The following SUMF1 variants were observed in gnomAD, a reference collection of about 807,000 sequenced individuals.
The protein encoded by SUMF1 is sulfatase modifying factor 1.
SUMF1 carries 48 observed loss-of-function variants against 47.6 expected under a neutral mutation model. The observed-to-expected ratio is 1.01, with a 90% CI of 0.80 to 1.28. The LOEUF is 1.28. SUMF1 is among the 50% of genes most tolerant of loss of function. SUMF1 has a pLI of 0.00. For synonymous variants in SUMF1, 230 were observed against 192.1 expected, an observed-to-expected ratio of 1.20 and a Z score of -1.63; for missense variants, 571 against 485.4, an observed-to-expected ratio of 1.18 and a Z score of -1.66.
At chr3:4,330,515 C>T (rs747820886) in intron 8 of SUMF1, among the ~76,000 whole-genome samples, 3 of 152,144 alleles carry the variant, frequency 2.0e-5, no homozygotes, top group South Asian at 2.1e-4. Flanking sequence ...TCAGATCTCA[C>T]GAGACTTATT....
At chr3:4,070,264 C>A (rs145543396) in intron 8 of SUMF1, among the ~76,000 whole-genome samples, 1 of 152,292 alleles carries the variant, frequency 6.6e-6, no homozygotes, top group Middle Eastern at 3.4e-3. Context: ...TGTACCCCAA[C>A]CACCTTGGGT....
intron 8 of SUMF1, among the ~76,000 whole-genome samples, chr3:4,240,243 G>C (rs1337913106): frequency 6.6e-6 from 1 of 151,870 alleles, no homozygotes; most frequent in East Asian, 1.9e-4. Context: ...TTTTTGTTGT[G>C]TCTCTGCCAG....
chr3:4,413,588 A>T (rs551132873), intron 6 of SUMF1, among the ~76,000 whole-genome samples: 23 of 152,218 alleles, frequency 1.5e-4, no homozygotes, highest in Admixed American at 6.5e-4. Context: ...AAAAGCAAAC[A>T]AATGTATATG....
At chr3:4,267,454 G>A (rs1288954834) in intron 8 of SUMF1, among the ~76,000 whole-genome samples, 10 of 152,250 alleles carry the variant, frequency 6.6e-5, no homozygotes, top group Middle Eastern at 3.4e-3. Flanking sequence ...TTAGTCTTGG[G>A]AGAGTGTATG....
intron 8 of SUMF1, among the ~76,000 whole-genome samples, chr3:4,342,057 C>G (rs1224647925): frequency 1.3e-5 from 2 of 152,120 alleles, no homozygotes; most frequent in African/African-American, 4.8e-5. Context: ...TTGAAAAACC[C>G]ACAGGTTCCA....
At position 4,449,356 on chromosome 3, in the gene SUMF1, G is replaced by A. The variant is rs373525151; in HGVS notation, c.445-16C>T. 1.0e-4 allele frequency: 162 copies of A among 1,613,906 alleles called. No homozygotes were observed. The highest frequency in any genetic ancestry group is 7.6e-4 in the South Asian group (69 of 91,080). Reference sequence around the variant, plus strand: ...ACTTCTCAGCCTATAAGGAAGGTAGGAAATAAAAATCCAGAAAAGGTTGTA... The same window carrying A: ...ACTTCTCAGCCTATAAGGAAGGTAGAAAATAAAAATCCAGAAAAGGTTGTA... On this transcript the variant is annotated splice_polypyrimidine_tract_variant and intron_variant, in intron 2 of 8. Transcript: ENST00000272902.
intron 8 of SUMF1, among the ~76,000 whole-genome samples, chr3:4,156,372 C>A (rs1459370345): frequency 6.6e-6 from 1 of 151,492 alleles, no homozygotes; most frequent in African/African-American, 2.4e-5. Flanking sequence ...CTAATTAGTA[C>A]CTAATCTAAC....
At chr3:4,116,507 T>C (rs1693427350) in intron 8 of SUMF1, among the ~76,000 whole-genome samples, 1 of 152,132 alleles carries the variant, frequency 6.6e-6, no homozygotes, top group Admixed American at 6.6e-5. Flanking sequence ...CCCAGTTTGA[T>C]CTATTAAATT....
intron 8 of SUMF1, among the ~76,000 whole-genome samples, chr3:4,347,839 G>A (rs1424170659): frequency 6.6e-6 from 1 of 152,172 alleles, no homozygotes; most frequent in Non-Finnish European, 1.5e-5. Flanking sequence ...CAAAGTCTCA[G>A]GGTACAAAAG....
At chr3:4,451,972 C>T (rs1307988504) in intron 2 of SUMF1, among the ~76,000 whole-genome samples, 3 of 152,138 alleles carry the variant, frequency 2.0e-5, no homozygotes, top group Non-Finnish European at 2.9e-5. Flanking sequence ...CGTGAGCCAC[C>T]GCGCCTGGCC....
intron 8 of SUMF1, among the ~76,000 whole-genome samples, chr3:4,244,680 C>T (rs191237196): frequency 6.6e-6 from 1 of 152,278 alleles, no homozygotes; most frequent in African/African-American, 2.4e-5. Flanking sequence ...TCTCTGGCTG[C>T]CCTTAACATT....
chr3:4,192,589 A>C (rs1279506724), intron 8 of SUMF1, among the ~76,000 whole-genome samples: 1 of 152,092 alleles, frequency 6.6e-6, no homozygotes, highest in Non-Finnish European at 1.5e-5. Context: ...GTTCCTAGGA[A>C]CTTCTAAATC....
chr3:4,280,396 T>C (rs774827336), intron 8 of SUMF1, among the ~76,000 whole-genome samples: 1 of 152,074 alleles, frequency 6.6e-6, no homozygotes, highest in Non-Finnish European at 1.5e-5. Context: ...AGATGAAAAG[T>C]GCAATGGCTC....
At chr3:4,152,463 T>G (rs1216591968) in intron 8 of SUMF1, among the ~76,000 whole-genome samples, 1 of 150,518 alleles carries the variant, frequency 6.6e-6, no homozygotes, top group African/African-American at 2.5e-5. Flanking sequence ...TTGCTTTTTT[T>G]TTTTCTTTTT....
At chr3:4,077,466 C>G (rs756193334) in intron 8 of SUMF1, among the ~76,000 whole-genome samples, 4 of 152,112 alleles carry the variant, frequency 2.6e-5, no homozygotes, top group Non-Finnish European at 5.9e-5. Context: ...CCATGGAATA[C>G]TATGCAGCCA....
chr3:4,127,478 G>T (rs935006448), intron 8 of SUMF1, among the ~76,000 whole-genome samples: 11 of 152,056 alleles, frequency 7.2e-5, no homozygotes, highest in Admixed American at 6.6e-4. Flanking sequence ...AATATAAGCA[G>T]GCAGAAAAAT....
chr3:4,253,606 G>T (rs535674725), intron 8 of SUMF1, among the ~76,000 whole-genome samples: 1 of 151,894 alleles, frequency 6.6e-6, no homozygotes, highest in African/African-American at 2.4e-5. Context: ...GGCTCAGAGG[G>T]TCCTACGCCC....
intron 8 of SUMF1, among the ~76,000 whole-genome samples, chr3:4,344,587 A>G (rs1293576852): frequency 6.6e-6 from 1 of 152,146 alleles, no homozygotes; most frequent in Non-Finnish European, 1.5e-5. Context: ...AATCAATGAA[A>G]AATGCTGAAA....
intron 8 of SUMF1, among the ~76,000 whole-genome samples, chr3:4,155,211 G>A (rs956253342): frequency 2.0e-5 from 3 of 151,372 alleles, no homozygotes; most frequent in Non-Finnish European, 4.4e-5. Context: ...TGCCAATTAA[G>A]GTACTGTGCT....
Sources: allele counts gnomAD v4.1 joint callset (sites outside exome capture counted in the v4.1 genomes callset), GRCh38; gene constraint gnomAD v4.1.1; transcripts MANE v1.5; gene names NCBI Gene and HGNC (gene_info 2026-07-23, HGNC 2026-07-21).